Variants in MYO16 observed in about 807,000 individuals in gnomAD.
MYO16 encodes unconventional myosin-XVI.
A neutral mutation model predicts 205.3 loss-of-function variants in MYO16; 94 were observed. The observed-to-expected ratio is 0.46, with a 90% CI of 0.39 to 0.54. The LOEUF is 0.54. Ranked by LOEUF, MYO16 falls within the 20% of genes least tolerant of loss-of-function variation. MYO16 has a pLI of 0.00. For missense variants in MYO16, 2,315 were observed against 2,387.5 expected (o/e 0.97, Z 0.63); for synonymous variants, 988 against 954.0 (o/e 1.04, Z -0.66).
rs1040319641 is a variant in MYO16, at chr13:108,890,342, T to G, written c.1659+1865T>G. ...GTCCACAGTCATTGCTGCTGTGGAG[T>G]CATCTTCTCACATGGCATTATCTTT... On this transcript the variant is annotated intron_variant, in intron 14 of 34. Coordinates refer to ENST00000457511, the MANE Select transcript of MYO16 (RefSeq NM_001198950.3). 5.9e-5 allele frequency among the ~76,000 whole-genome samples: 9 copies of G among 152,222 alleles called. No individual in the cohort carries two copies. The South Asian group carries it at 1.9e-3, about 32-fold the overall frequency.
At chr13:108,609,361 T>C (rs1463884389) in intron 1 of MYO16, among the ~76,000 whole-genome samples, 1 of 152,180 alleles carries the variant, frequency 6.6e-6, no homozygotes, top group Non-Finnish European at 1.5e-5. Flanking sequence ...CCACCACGGT[T>C]CCTTAACGCT....
At chr13:108,779,707 C>T (rs759373851) in intron 4 of MYO16, 11 of 152,138 alleles carry the variant, frequency 7.2e-5, no homozygotes, top group Non-Finnish European at 1.5e-4. Flanking sequence ...CGCCCAGGGA[C>T]GTGCGCCCCT....
chr13:108,522,015 T>C, the MYO16 span, among the ~76,000 whole-genome samples: 1 of 152,194 alleles, frequency 6.6e-6, no homozygotes, highest in Non-Finnish European at 1.5e-5. Context: ...TCTAGTATTG[T>C]GTACACAGGT....
chr13:109,128,768 G>GTTTTTTTTTTTTTTTTTTTTTTTTTTTGT (rs1172405612), intron 31 of MYO16, among the ~76,000 whole-genome samples: 2 of 115,016 alleles, frequency 1.7e-5, no homozygotes, highest in African/African-American at 3.4e-5. Context: ...CACTTTTTTA[G>GTTTTTTTTTTTTTTTTTTTTTTTTTTTGT]TTTTTTTTTT....
Position 108,662,754 on chromosome 13 carries a change from T to A in MYO16, c.29-3132T>A, listed in dbSNP as rs140637468. Among the ~76,000 whole-genome samples, 1,261 of 152,270 alleles carry A rather than the reference T, an allele frequency of 8.3e-3. 9 individuals carry two copies. Among genetic ancestry groups the A allele is most frequent in the Middle Eastern group, 0.017 (5 of 294 alleles). On this transcript the variant is annotated intron_variant, in intron 1 of 34. Coordinates refer to ENST00000457511, the MANE Select transcript of MYO16 (RefSeq NM_001198950.3). ...TCTTTCCCTGCCTGTGAAGTCTGCA[T>A]GCCTGATTCACACCCTCCCCCGAGT... is the stretch of plus-strand genomic sequence containing the variant.
At chr13:108,977,245 A>C (rs1225849091) in intron 20 of MYO16, among the ~76,000 whole-genome samples, 1 of 152,194 alleles carries the variant, frequency 6.6e-6, no homozygotes, top group African/African-American at 2.4e-5. Flanking sequence ...TTGTGGATAA[A>C]GAAATCTCAG....
At chr13:108,828,356 T>G (rs1209140100) in intron 9 of MYO16, among the ~76,000 whole-genome samples, 1 of 152,186 alleles carries the variant, frequency 6.6e-6, no homozygotes, top group African/African-American at 2.4e-5. Flanking sequence ...GGGCAGAGAC[T>G]CCAGAGCCAC....
intron 2 of MYO16, among the ~76,000 whole-genome samples, chr13:108,701,854 G>A (rs942663680): frequency 6.6e-5 from 10 of 152,082 alleles, no homozygotes; most frequent in Non-Finnish European, 1.3e-4. Context: ...TCCCCACATA[G>A]AGAAGAACAA....
At chr13:109,069,702 T>C (rs1887866776) in intron 27 of MYO16, among the ~76,000 whole-genome samples, 2 of 152,122 alleles carry the variant, frequency 1.3e-5, no homozygotes, top group African/African-American at 4.8e-5. Context: ...TCTCTTCTTA[T>C]AAGGACACTA....
chr13:109,100,111 G>GT (rs1426511640), intron 27 of MYO16, among the ~76,000 whole-genome samples: 12 of 152,154 alleles, frequency 7.9e-5, no homozygotes, highest in African/African-American at 2.4e-4. Context: ...GTTAACCACT[G>GT]TAAGTGCAAA....
chr13:109,171,330 A>G (rs1024183942), intron 33 of MYO16, among the ~76,000 whole-genome samples: 1 of 152,254 alleles, frequency 6.6e-6, no homozygotes, highest in Non-Finnish European at 1.5e-5. Flanking sequence ...TAACTTACAA[A>G]GTGCAGCCAA....
chr13:108,644,166 G>A (rs1439275434), intron 1 of MYO16, among the ~76,000 whole-genome samples: 1 of 152,136 alleles, frequency 6.6e-6, no homozygotes, highest in Non-Finnish European at 1.5e-5. Context: ...AGCTCATTCT[G>A]CTTACATAAT....
At chr13:108,671,515 G>A (rs1881988134) in intron 2 of MYO16, among the ~76,000 whole-genome samples, 2 of 152,158 alleles carry the variant, frequency 1.3e-5, no homozygotes, top group African/African-American at 4.8e-5. Context: ...TATAGTGAAG[G>A]TCATCTTCAG....
chr13:108,629,620 G>A lies in MYO16; in HGVS notation c.-225G>A, dbSNP rs1371044156. On this transcript the variant is annotated 5_prime_UTR_variant, in exon 1 of 35. Transcript: ENST00000457511. ...CTACAATAGCACGTGCACCAGTGGTGCCTCAAGACCCACCGGGGAGAGGCT... is the reference window on the plus strand; with the variant it reads ...CTACAATAGCACGTGCACCAGTGGTACCTCAAGACCCACCGGGGAGAGGCT... 1 of 492,466 alleles carries A rather than the reference G, an allele frequency of 2.0e-6. No homozygotes were observed. 30.5% of individuals were successfully genotyped at this position (492,466 alleles called of 1,614,324 possible).
At chr13:109,062,764 T>C (rs1887632540) in intron 27 of MYO16, among the ~76,000 whole-genome samples, 1 of 152,144 alleles carries the variant, frequency 6.6e-6, no homozygotes, top group Non-Finnish European at 1.5e-5. Flanking sequence ...AAGAAGCTCA[T>C]CAAGTCTTTG....
At chr13:109,087,417 G>A (rs147378160) in intron 27 of MYO16, among the ~76,000 whole-genome samples, 1 of 152,178 alleles carries the variant, frequency 6.6e-6, no homozygotes, top group African/African-American at 2.4e-5. Context: ...AGGCCGAGGT[G>A]GGCTGATCAG....
At chr13:108,818,926 C>A (rs1214588677) in intron 7 of MYO16, among the ~76,000 whole-genome samples, 2 of 152,124 alleles carry the variant, frequency 1.3e-5, no homozygotes, top group African/African-American at 4.8e-5. Context: ...TTCTTTTACA[C>A]CCAAGAATTT....
At position 108,831,043 on chromosome 13, in the gene MYO16, C is replaced by T. The variant is rs139036972; in HGVS notation, c.1097+7765C>T. Among the ~76,000 whole-genome samples, 512 of 152,258 alleles carry T rather than the reference C, an allele frequency of 3.4e-3. 4 individuals carry two copies. The highest frequency in any genetic ancestry group is 0.011 in the African/African-American group (474 of 41,540). Reference sequence around the variant, plus strand: ...GAACAGTGCCTTCACAGTGTCCTCACATGGTGGAAGAGGGACACAGTGATC... The same window carrying T: ...GAACAGTGCCTTCACAGTGTCCTCATATGGTGGAAGAGGGACACAGTGATC... On this transcript the variant is annotated intron_variant, in intron 9 of 34. Transcript: ENST00000457511.
intron 1 of MYO16, among the ~76,000 whole-genome samples, chr13:108,601,236 G>T (rs992878329): frequency 6.6e-6 from 1 of 152,048 alleles, no homozygotes; most frequent in Admixed American, 6.6e-5. Flanking sequence ...GATGAATTTG[G>T]ACTGTGTTGT....
Sources: allele counts gnomAD v4.1 joint callset (sites outside exome capture counted in the v4.1 genomes callset), GRCh38; gene constraint gnomAD v4.1.1; transcripts MANE v1.5; gene names NCBI Gene and HGNC (gene_info 2026-07-23, HGNC 2026-07-21).